Variants in SAMD4A observed in about 807,000 individuals in gnomAD.
SAMD4A encodes protein Smaug homolog 1.
A neutral mutation model predicts 81.3 loss-of-function variants in SAMD4A; 33 were observed. The ratio of observed to expected loss-of-function variants is 0.41; its 90% CI spans 0.31 to 0.54. The LOEUF (loss-of-function observed/expected upper bound fraction) is 0.54. Ranked by LOEUF, SAMD4A falls within the 20% of genes least tolerant of loss-of-function variation. SAMD4A has a pLI of 0.37. For synonymous variants in SAMD4A, 389 were observed against 382.1 expected (o/e 1.02, Z -0.21); for missense variants, 854 against 951.1 (o/e 0.90, Z 1.34).
At chr14:54,673,217 C>T (rs553811191) in intron 2 of SAMD4A, among the ~76,000 whole-genome samples, 106 of 152,328 alleles carry the variant, frequency 7.0e-4, no homozygotes, top group Non-Finnish European at 1.3e-3. Context: ...AGCTGTCTGA[C>T]AGCCAAGTCA....
At chr14:54,690,137 C>T (rs1043567525) in intron 2 of SAMD4A, 1 of 152,134 alleles carries the variant, frequency 6.6e-6, no homozygotes, top group Non-Finnish European at 1.5e-5. Context: ...ACTGTCCCCA[C>T]CCACAAGGAG....
chr14:54,662,551 A>G (rs1049754944), intron 2 of SAMD4A, among the ~76,000 whole-genome samples: 12 of 151,908 alleles, frequency 7.9e-5, no homozygotes, highest in Admixed American at 7.9e-4. Flanking sequence ...CTGGGACTAC[A>G]GGTGCATGCC....
chr14:54,669,259 G>A (rs760261376), intron 2 of SAMD4A, among the ~76,000 whole-genome samples: 10 of 152,198 alleles, frequency 6.6e-5, no homozygotes, highest in South Asian at 4.2e-4. Context: ...CCTGGAGCCC[G>A]TTAGAGAAGG....
intron 3 of SAMD4A, among the ~76,000 whole-genome samples, chr14:54,734,722 C>T (rs1435799669): frequency 3.3e-5 from 5 of 152,192 alleles, no homozygotes; most frequent in East Asian, 1.9e-4. Context: ...TGGAAAGAAG[C>T]ATATTGGCTC....
rs182199711 is a variant in SAMD4A at position 54,639,167 on chromosome 14, A to G, written c.197-62895A>G. 9.3e-4 allele frequency among the ~76,000 whole-genome samples: 142 copies of G among 152,314 alleles called. 1 individual carries two copies. In the South Asian group the frequency reaches 0.017, roughly 19 times the overall value. On this transcript the variant is annotated intron_variant, in intron 2 of 12. Transcript: ENST00000554335. The stretch of plus-strand genomic sequence containing the variant: ...TTTCTTCATCTCTATTGTGGGGAAA[A>G]TAACCTGCATCACAGAGTTATGTCA...
intron 2 of SAMD4A, among the ~76,000 whole-genome samples, chr14:54,573,410 A>C (rs955782346): frequency 1.3e-5 from 2 of 152,138 alleles, no homozygotes; most frequent in African/African-American, 4.8e-5. Flanking sequence ...AGTAACTGAA[A>C]ACTTCCCAGA....
intron 11 of SAMD4A, among the ~76,000 whole-genome samples, chr14:54,783,363 G>A (rs570552375): frequency 3.3e-5 from 5 of 152,274 alleles, no homozygotes; most frequent in East Asian, 1.9e-4. Context: ...ATTTAAAGTC[G>A]CCACTGGATG....
At chr14:54,688,569 G>A (rs537766567) in intron 2 of SAMD4A, among the ~76,000 whole-genome samples, 352 of 152,270 alleles carry the variant, frequency 2.3e-3, no homozygotes, top group Admixed American at 7.6e-3. Context: ...TAGATGCAGC[G>A]ATTGCTGCTT....
At position 54,568,690 on chromosome 14, in the gene SAMD4A, CATATATATATATATATATATAT is replaced by C. The variant is rs59190435; in HGVS notation, c.196+608_196+629del. Among the ~76,000 whole-genome samples, 238 of 31,890 alleles carry C rather than the reference CATATATATATATATATATATAT, an allele frequency of 7.5e-3. 3 individuals carry two copies. Among genetic ancestry groups the C allele is most frequent in the East Asian group, 0.022 (19 of 856 alleles). 20.9% of individuals were successfully genotyped at this position (31,890 alleles called of 152,430 possible). A position where few individuals can be genotyped will look rare whatever the true frequency, so the allele number is the denominator to read the frequency against. On this transcript the variant is annotated intron_variant, in intron 2 of 12. Coordinates refer to ENST00000554335, the MANE Select transcript of SAMD4A (RefSeq NM_015589.6). ...GAGACTAGTAAAATGACATTTGCAGCATATATATATATATATATATATATATATATATATATATATATATATA... is the reference window on the plus strand; with the variant it reads ...GAGACTAGTAAAATGACATTTGCAGCATATATATATATATATATATATATA...
chr14:54,775,656 C>G (rs2038824378), intron 10 of SAMD4A, among the ~76,000 whole-genome samples: 1 of 152,128 alleles, frequency 6.6e-6, no homozygotes, highest in East Asian at 1.9e-4. Context: ...GCTCATACCC[C>G]TCTAGCCCCA....
chr14:54,766,259 A>G (rs1216114447), intron 8 of SAMD4A, among the ~76,000 whole-genome samples: 1 of 152,142 alleles, frequency 6.6e-6, no homozygotes, highest in East Asian at 1.9e-4. Context: ...AAAAGCGACA[A>G]AGGAAGAGAA....
intron 2 of SAMD4A, among the ~76,000 whole-genome samples, chr14:54,617,482 A>G (rs1318270184): frequency 6.7e-6 from 1 of 148,790 alleles, no homozygotes; most frequent in Non-Finnish European, 1.5e-5. Flanking sequence ...TTTTTTTTTC[A>G]GAGAAAAGTG....
At chr14:54,590,251 G>T (rs572098971) in intron 2 of SAMD4A, among the ~76,000 whole-genome samples, 2 of 152,300 alleles carry the variant, frequency 1.3e-5, no homozygotes, top group Non-Finnish European at 2.9e-5. Flanking sequence ...CATTTTGGGA[G>T]GCCAACATAG....
chr14:54,780,201 T>C (rs2038964782), intron 11 of SAMD4A, among the ~76,000 whole-genome samples: 1 of 152,136 alleles, frequency 6.6e-6, no homozygotes, highest in Admixed American at 6.5e-5. Flanking sequence ...CATTCTTCCC[T>C]TGCCCAAAGC....
intron 3 of SAMD4A, among the ~76,000 whole-genome samples, chr14:54,705,154 A>C (rs952868080): frequency 6.6e-6 from 1 of 150,790 alleles, no homozygotes; most frequent in Admixed American, 6.7e-5. Flanking sequence ...TGGTTGCAGC[A>C]GCAACAGTAA....
At chr14:54,739,579 G>A (rs2037795324) in intron 4 of SAMD4A, among the ~76,000 whole-genome samples, 1 of 152,022 alleles carries the variant, frequency 6.6e-6, no homozygotes. Flanking sequence ...TTCTATTTGT[G>A]GGAAAAGTAT....
chr14:54,709,441 A>C (rs1411738512), intron 3 of SAMD4A, among the ~76,000 whole-genome samples: 1 of 151,978 alleles, frequency 6.6e-6, no homozygotes, highest in East Asian at 1.9e-4. Flanking sequence ...GAGAGGCAAG[A>C]GTATCTTTTA....
Position 54,792,310 on chromosome 14 carries a change from C to G in SAMD4A, c.*3366C>G, listed in dbSNP as rs886576930. On this transcript the variant is annotated 3_prime_UTR_variant, in exon 13 of 13. Coordinates refer to ENST00000554335, the MANE Select transcript of SAMD4A (RefSeq NM_015589.6). ...ACTCAGGATTGGAGCTACAGCTGGG[C>G]CCCCCTCTCTCCCATTCGTTTGAAG... The G allele has an allele frequency of 6.6e-6, 1 of 152,146 alleles. No homozygotes were observed. The highest frequency in any genetic ancestry group is 6.6e-5 in the Admixed American group (1 of 15,262). 9.4% of individuals were successfully genotyped at this position (152,146 alleles called of 1,614,324 possible). A position where few individuals can be genotyped will look rare whatever the true frequency, so the allele number is the denominator to read the frequency against.
chr14:54,681,758 AG>A, intron 2 of SAMD4A: 1 of 982,776 alleles, frequency 1.0e-6, no homozygotes, highest in Non-Finnish European at 1.2e-6. Flanking sequence ...TATTTTAATT[AG>A]TTTTTTGATG....
Sources: allele counts gnomAD v4.1 joint callset (sites outside exome capture counted in the v4.1 genomes callset), GRCh38; gene constraint gnomAD v4.1.1; transcripts MANE v1.5; gene names NCBI Gene and HGNC (gene_info 2026-07-23, HGNC 2026-07-21).